CNTNAP2: variants seen among roughly 807,000 people sequenced by gnomAD.
CNTNAP2 encodes the protein contactin associated protein 2, also known as contactin-associated protein-like 2.
In CNTNAP2, 98 loss-of-function variants were observed where a neutral mutation model predicts 155.2. That is an observed-to-expected ratio of 0.63 (90% confidence interval 0.54 to 0.75). The LOEUF is 0.75. Ranked by LOEUF, CNTNAP2 falls within the 30% of genes least tolerant of loss-of-function variation. The probability of loss-of-function intolerance (pLI) is 0.00; values close to 1 mark genes in which losing one functional copy is unlikely to be tolerated. For missense variants in CNTNAP2, 1,727 were observed against 1,688.1 expected (o/e 1.02, Z -0.40); for synonymous variants, 651 against 631.2 (o/e 1.03, Z -0.47).
At chr7:148,168,237 A>T (rs145922200) in intron 17 of CNTNAP2, among the ~76,000 whole-genome samples, 15,108 of 151,730 alleles carry the variant, frequency 0.1, 766 homozygotes, top group East Asian at 0.23. Flanking sequence ...ATTATAAATC[A>T]TGCTGCTATA....
chr7:148,037,235 C>T (rs146291141), intron 15 of CNTNAP2, among the ~76,000 whole-genome samples: 293 of 152,288 alleles, frequency 1.9e-3, no homozygotes, highest in African/African-American at 6.8e-3. Flanking sequence ...TTATATCTTG[C>T]TCCCCTCCCC....
intron 21 of CNTNAP2, among the ~76,000 whole-genome samples, chr7:148,275,837 A>G (rs1489305471): frequency 6.6e-6 from 1 of 152,160 alleles, no homozygotes; most frequent in African/African-American, 2.4e-5. Flanking sequence ...GTTCCAGCCC[A>G]TGTTCCAAGA....
At chr7:147,469,499 G>A (rs1798175312) in intron 10 of CNTNAP2, among the ~76,000 whole-genome samples, 1 of 107,810 alleles carries the variant, frequency 9.3e-6, no homozygotes, top group Non-Finnish European at 1.9e-5. Context: ...CAGGATGTCA[G>A]GCTGCAATTT....
In CNTNAP2 at chr7:148,177,895, G is replaced by GTTTT. The variant is rs71527883; in HGVS notation, c.3010+5427_3010+5430dup. Among the ~76,000 whole-genome samples the GTTTT allele has an allele frequency of 8.9e-3, 1,306 of 146,752 alleles. 29 individuals carry two copies. The highest frequency in any genetic ancestry group is 0.029 in the African/African-American group (1,149 of 40,004). On this transcript the variant is annotated intron_variant, in intron 18 of 23. Coordinates refer to ENST00000361727, the MANE Select transcript of CNTNAP2 (RefSeq NM_014141.6). Reference sequence around the variant, plus strand: ...AGGATACAAGAATTGAACAGACACTGTTTTTTTTTTTTTGCTACATCTAGG... The same window carrying GTTTT: ...AGGATACAAGAATTGAACAGACACTGTTTTTTTTTTTTTTTTTGCTACATCTAGG...
intron 1 of CNTNAP2, among the ~76,000 whole-genome samples, chr7:146,725,853 A>G (rs190763040): frequency 6.6e-6 from 1 of 152,192 alleles, no homozygotes; most frequent in Admixed American, 6.5e-5. Context: ...CCACCAAATT[A>G]TCCTTGAAAA....
chr7:146,476,729 T>C (rs550984000), intron 1 of CNTNAP2, among the ~76,000 whole-genome samples: 13 of 152,210 alleles, frequency 8.5e-5, no homozygotes, highest in Middle Eastern at 3.4e-3. Context: ...CTAATAAACA[T>C]TGAGACAAGT....
intron 8 of CNTNAP2, among the ~76,000 whole-genome samples, chr7:147,219,770 T>C (rs1803351536): frequency 6.6e-6 from 1 of 152,118 alleles, no homozygotes; most frequent in Middle Eastern, 3.2e-3. Flanking sequence ...AAAGCCCTCC[T>C]GGCTTCATCA....
intron 15 of CNTNAP2, among the ~76,000 whole-genome samples, chr7:148,066,179 C>T (rs1043773125): frequency 1.3e-5 from 2 of 152,136 alleles, no homozygotes; most frequent in Non-Finnish European, 2.9e-5. Flanking sequence ...TTTTCCTTTA[C>T]AGGTTACCTG....
intron 1 of CNTNAP2, among the ~76,000 whole-genome samples, chr7:146,136,015 A>C (rs1452566572): frequency 6.6e-6 from 1 of 152,122 alleles, no homozygotes; most frequent in East Asian, 1.9e-4. Context: ...CCGATATGTA[A>C]ATAGCCCCCA....
chr7:146,366,295 CA>C (rs1473825149), intron 1 of CNTNAP2, among the ~76,000 whole-genome samples: 1 of 151,798 alleles, frequency 6.6e-6, no homozygotes, highest in Non-Finnish European at 1.5e-5. Context: ...TTTTAAATGC[CA>C]GAATTATAAA....
chr7:147,121,708 T>C (rs1801115114), intron 6 of CNTNAP2: 1 of 152,608 alleles, frequency 6.6e-6, no homozygotes, highest in Admixed American at 6.5e-5. Flanking sequence ...CAAAAAGACA[T>C]ATATTACCTT....
intron 3 of CNTNAP2, among the ~76,000 whole-genome samples, chr7:147,006,243 G>A (rs964486864): frequency 3.3e-5 from 5 of 152,010 alleles, no homozygotes; most frequent in Non-Finnish European, 7.4e-5. Flanking sequence ...TTGGGAAAGT[G>A]GCTAGGAGAA....
At chr7:147,148,865 C>A (rs1487177467) in intron 8 of CNTNAP2, among the ~76,000 whole-genome samples, 1 of 152,052 alleles carries the variant, frequency 6.6e-6, no homozygotes, top group African/African-American at 2.4e-5. Context: ...GTTTGTTCCT[C>A]CAGGTGGGTT....
At chr7:147,051,257 T>C (rs997561480) in intron 4 of CNTNAP2, among the ~76,000 whole-genome samples, 2 of 150,674 alleles carry the variant, frequency 1.3e-5, no homozygotes, top group African/African-American at 4.9e-5. Flanking sequence ...AAATAAAAAA[T>C]CAGTTCTGGA....
intron 4 of CNTNAP2, among the ~76,000 whole-genome samples, chr7:147,095,540 CT>C (rs35610371): frequency 6.6e-6 from 1 of 151,224 alleles, no homozygotes; most frequent in African/African-American, 2.4e-5. Flanking sequence ...TATATATTTT[CT>C]TTTTAGTAAG....
At chr7:147,759,981 G>A (rs1244167511) in intron 13 of CNTNAP2, among the ~76,000 whole-genome samples, 1 of 152,040 alleles carries the variant, frequency 6.6e-6, no homozygotes, top group Non-Finnish European at 1.5e-5. Flanking sequence ...ATGTTTCCAA[G>A]GATTCTTTAC....
rs185358184 is a variant in CNTNAP2, at chr7:147,069,814, A to G, written c.550+25760A>G. On this transcript the variant is annotated intron_variant, in intron 4 of 23. Coordinates refer to ENST00000361727, the MANE Select transcript of CNTNAP2 (RefSeq NM_014141.6). The stretch of plus-strand genomic sequence containing the variant: ...AAATATTCCACTTCTGCTTTGTTCA[A>G]TACAGTAGCCACTAGCCATATGTAG... 8.2e-4 allele frequency among the ~76,000 whole-genome samples: 125 copies of G among 152,320 alleles called. 1 individual carries two copies. The highest frequency in any genetic ancestry group is 2.7e-3 in the East Asian group (14 of 5,176).
intron 1 of CNTNAP2, among the ~76,000 whole-genome samples, chr7:146,203,659 C>T (rs550006842): frequency 6.6e-6 from 1 of 152,242 alleles, no homozygotes; most frequent in African/African-American, 2.4e-5. Flanking sequence ...TCTTTCTCCT[C>T]TCCTGGGGGT....
chr7:146,670,396 G>A (rs530684505), intron 1 of CNTNAP2, among the ~76,000 whole-genome samples: 3 of 152,116 alleles, frequency 2.0e-5, no homozygotes, highest in Admixed American at 2.0e-4. Context: ...TATGAAGAAC[G>A]TAGCCAGAGA....
Sources: gnomAD v4.1 joint callset for allele counts (sites outside exome capture counted in the v4.1 genomes callset) on GRCh38, gnomAD v4.1.1 for gene constraint, MANE v1.5 for transcripts, NCBI Gene and HGNC (gene_info 2026-07-23, HGNC 2026-07-21) for gene names.